Variants in INTS3 observed in about 807,000 individuals in gnomAD.
INTS3 encodes integrator complex subunit 3, also known as SOSS complex subunit A.
A neutral mutation model predicts 146.3 loss-of-function variants in INTS3; 34 were observed. The observed-to-expected ratio is 0.23, with a 90% CI of 0.18 to 0.31. The LOEUF (loss-of-function observed/expected upper bound fraction) is 0.31, where lower values mean the gene tolerates loss of function less well. INTS3 is among the 10% of genes least tolerant of loss of function. The probability of loss-of-function intolerance (pLI) is 1.00; values close to 1 mark genes in which losing one functional copy is unlikely to be tolerated. For synonymous variants in INTS3, 475 were observed against 494.9 expected (o/e 0.96, Z 0.53); for missense variants, 757 against 1,304.2 (o/e 0.58, Z 6.46).
At chr1:153,740,410 T>C (rs1262270866) in intron 1 of INTS3, among the ~76,000 whole-genome samples, 1 of 152,172 alleles carries the variant, frequency 6.6e-6, no homozygotes, top group Admixed American at 6.6e-5. Flanking sequence ...CTAAGTCTCT[T>C]AATATATGGG....
chr1:153,773,230 A>C lies in INTS3; in HGVS notation c.3089A>C (p.Lys1030Thr). 6.2e-7 allele frequency: 1 copy of C among 1,614,094 alleles called. No individual in the cohort carries two copies. Among genetic ancestry groups the C allele is most frequent in the Non-Finnish European group, 8.5e-7 (1 of 1,180,034 alleles). Residue 1030 changes from lysine (K) to threonine (T), a missense_variant, in exon 30 of 30, where the codon AAA becomes ACA. Coordinates refer to ENST00000318967, the MANE Select transcript of INTS3 (RefSeq NM_023015.5). ...ACGAAACCGAAGCCTACCAAGCGGA[A>C]ACGAAAAGGGTCCTCTGCAGTGGGC... ...EDTKPKPTKR[K>T]RKGSSAVGSD...
At chr1:153,741,469 G>A (rs1364083186) in intron 3 of INTS3, 101 bp downstream of exon 3, 4 of 851,500 alleles carry the variant, frequency 4.7e-6, no homozygotes, top group Non-Finnish European at 8.0e-6. Context: ...TCTTCGACCA[G>A]AGCTGGATCA....
intron 18 of INTS3, 63 bp from the exon 19 acceptor site, chr1:153,764,627 G>A: frequency 8.2e-7 from 1 of 1,223,332 alleles, no homozygotes; most frequent in Non-Finnish European, 1.2e-6. Flanking sequence ...CCTCCAGCTG[G>A]TCCTCCGTAT....
intron 9 of INTS3, 127 bp downstream of exon 9, chr1:153,754,866 C>T (rs1672103915): frequency 1.4e-6 from 1 of 694,580 alleles, no homozygotes; most frequent in Non-Finnish European, 2.6e-6. Context: ...ACCTGATCTA[C>T]CTGGCTACTG....
In INTS3 at chr1:153,773,089, C is replaced by A. The variant is rs1239696930; in HGVS notation, c.3051+8C>A. 2 of 1,614,014 alleles carry A rather than the reference C, an allele frequency of 1.2e-6. No homozygotes were observed. Among genetic ancestry groups the A allele is most frequent in the African/African-American group, 1.3e-5 (1 of 74,896 alleles). ...GGCTCCAGCAGTGCTTCAGTGAGAA[C>A]CCAGCCAGTGCACAGGGGGAAAAGG... On this transcript the variant is annotated splice_region_variant and intron_variant, in intron 29 of 29. Coordinates refer to ENST00000318967, the MANE Select transcript of INTS3 (RefSeq NM_023015.5).
At chr1:153,751,005 G>T in intron 6 of INTS3, 90 bp from the exon 7 acceptor site, 1 of 1,319,982 alleles carries the variant, frequency 7.6e-7, no homozygotes. Flanking sequence ...AATTATTTCT[G>T]AGGCACTGTA....
At chr1:153,767,612 G>A (rs1197730922) in intron 20 of INTS3, 62 bp from the exon 21 acceptor site, 34 of 1,485,614 alleles carry the variant, frequency 2.3e-5, no homozygotes, top group Non-Finnish European at 2.2e-5. Context: ...AGCCTGCTTC[G>A]GGGATGCTTG....
chr1:153,756,348 G>GA (rs2101810477), intron 9 of INTS3, among the ~76,000 whole-genome samples: 1 of 150,610 alleles, frequency 6.6e-6, no homozygotes, highest in East Asian at 2.0e-4. Flanking sequence ...CTGGGCAACA[G>GA]AATGAGATTC....
In INTS3 at chr1:153,762,162, T is replaced by C. The variant is rs112236738; in HGVS notation, c.1516+486T>C. 1.1e-3 allele frequency among the ~76,000 whole-genome samples: 173 copies of C among 152,298 alleles called. 2 individuals are homozygous for C. Among genetic ancestry groups the C allele is most frequent in the African/African-American group, 4.0e-3 (166 of 41,574 alleles). On this transcript the variant is annotated intron_variant, in intron 14 of 29. Transcript: ENST00000318967. Reference sequence around the variant, plus strand: ...AACTTGGTTTTAAATTAAAGAGCACTTGGAGGCTGGGCATGGTGGCTCATG... The same window carrying C: ...AACTTGGTTTTAAATTAAAGAGCACCTGGAGGCTGGGCATGGTGGCTCATG...
chr1:153,736,761 C>CTTT lies in INTS3; in HGVS notation c.151-3872_151-3870dup, dbSNP rs5777880. Among the ~76,000 whole-genome samples, 115 of 94,046 alleles carry CTTT rather than the reference C, an allele frequency of 1.2e-3. 3 individuals carry two copies. Among genetic ancestry groups the CTTT allele is most frequent in the African/African-American group, 3.1e-3 (72 of 22,970 alleles). 61.7% of individuals were successfully genotyped at this position (94,046 alleles called of 152,430 possible). On this transcript the variant is annotated intron_variant, in intron 1 of 29. Coordinates refer to ENST00000318967, the MANE Select transcript of INTS3 (RefSeq NM_023015.5). The stretch of plus-strand genomic sequence containing the variant: ...GCGCCCAGTCCAATTGTCTTTCATT[C>CTTT]TTTTTTTTTTTTTTTTTTTTGAGAC...
chr1:153,736,761 CTTTTTT>C (rs5777880), intron 1 of INTS3, among the ~76,000 whole-genome samples: 1 of 94,060 alleles, frequency 1.1e-5, no homozygotes, highest in South Asian at 3.7e-4. Context: ...GTCTTTCATT[CTTTTTT>C]TTTTTTTTTT....
intron 7 of INTS3, chr1:153,751,974 A>T (rs1225450223): frequency 5.8e-6 from 2 of 346,460 alleles, no homozygotes; most frequent in Non-Finnish European, 1.1e-5. Context: ...TCCTTTTGAA[A>T]CTTTAATCTT....
At chr1:153,758,448 A>T (rs1361932616) in intron 10 of INTS3, among the ~76,000 whole-genome samples, 1 of 152,216 alleles carries the variant, frequency 6.6e-6, no homozygotes, top group East Asian at 1.9e-4. Context: ...AGGGGTGATG[A>T]GTGGACTTCT....
At chr1:153,729,964 G>A (rs1671003610) in intron 1 of INTS3, among the ~76,000 whole-genome samples, 1 of 151,994 alleles carries the variant, frequency 6.6e-6, no homozygotes, top group African/African-American at 2.4e-5. Flanking sequence ...TCCAGGGACA[G>A]GATGAGTACA....
intron 21 of INTS3, 141 bp downstream of exon 21, chr1:153,767,968 G>C: frequency 1.4e-6 from 1 of 735,980 alleles, no homozygotes; most frequent in South Asian, 2.2e-5. Context: ...ACTCACAGCT[G>C]TCCCCTCCTT....
intron 18 of INTS3, among the ~76,000 whole-genome samples, 198 bp downstream of exon 18, chr1:153,764,419 C>T (rs1394463428): frequency 6.6e-6 from 1 of 152,242 alleles, no homozygotes; most frequent in East Asian, 1.9e-4. Flanking sequence ...GTTGACACCT[C>T]CTCATGCTTC....
chr1:153,752,326 G>A lies in INTS3; in HGVS notation c.777G>A (p.Gln259=), dbSNP rs191704086. The A allele has an allele frequency of 5.6e-6, 9 of 1,613,580 alleles. No individual in the cohort carries two copies. The highest frequency in any genetic ancestry group is 3.3e-5 in the Admixed American group (2 of 59,980). Reference sequence around the variant, plus strand: ...GTCGGGATCTCGTAAGACTACTTCAGAATGTTGCTAGGATACCAGAATTTG... The same window carrying A: ...GTCGGGATCTCGTAAGACTACTTCAAAATGTTGCTAGGATACCAGAATTTG... ...MIGRDLVRLL[Q]NVARIPEFEL... The change falls in exon 8 of 30, where the codon CAG becomes CAA. Residue 259 remains glutamine (Q), a synonymous_variant. Coordinates refer to ENST00000318967, the MANE Select transcript of INTS3 (RefSeq NM_023015.5).
Position 153,728,093 on chromosome 1 carries a change from G to C in INTS3, c.-542G>C. ...CTTCCACTATGGCCGCTTCTGTGTGGTGTGGGGAGACGCTGGTCCTCCCCG... is the reference window on the plus strand; with the variant it reads ...CTTCCACTATGGCCGCTTCTGTGTGCTGTGGGGAGACGCTGGTCCTCCCCG... On this transcript the variant is annotated 5_prime_UTR_variant, in exon 1 of 30. Coordinates refer to ENST00000318967, the MANE Select transcript of INTS3 (RefSeq NM_023015.5). The C allele has an allele frequency of 2.6e-6, 1 of 390,708 alleles. No individual in the cohort carries two copies. The highest frequency in any genetic ancestry group is 4.5e-6 in the Non-Finnish European group (1 of 224,600). 24.2% of individuals were successfully genotyped at this position (390,708 alleles called of 1,614,324 possible).
chr1:153,741,220 A>T lies in INTS3; in HGVS notation c.235-65A>T, dbSNP rs1466324313. On this transcript the variant is annotated intron_variant, in intron 2 of 29. Transcript: ENST00000318967. ...TAGGAGTCCCATGTTTTCTGGGAGA[A>T]ACTGAGTTTGAGAACTTACTGCCTG... 2.5e-6 allele frequency: 3 copies of T among 1,184,076 alleles called. No individual in the cohort carries two copies. The African/African-American group carries it at 4.5e-5, about 18-fold the overall frequency. The allele number at this position is 1,184,076 out of a possible 1,614,324, so 73.3% of individuals were successfully genotyped here. A position where few individuals can be genotyped will look rare whatever the true frequency, so the allele number is the denominator to read the frequency against.
Sources: gnomAD v4.1 joint callset for allele counts (sites outside exome capture counted in the v4.1 genomes callset) on GRCh38, gnomAD v4.1.1 for gene constraint, MANE v1.5 for transcripts, NCBI Gene and HGNC (gene_info 2026-07-23, HGNC 2026-07-21) for gene names.